The following LRRC8A variants were observed in gnomAD, a reference collection of about 807,000 sequenced individuals.
The protein encoded by LRRC8A is volume-regulated anion channel subunit LRRC8A.
A neutral mutation model predicts 52.5 loss-of-function variants in LRRC8A; 24 were observed. That is an observed-to-expected ratio of 0.46 (90% CI 0.33 to 0.64). The LOEUF (loss-of-function observed/expected upper bound fraction) is 0.64. Among genes scored for constraint, LRRC8A ranks in the 30% least tolerant of loss-of-function variants. The pLI is 0.02. For missense variants in LRRC8A, 677 were observed against 1,094.7 expected, an observed-to-expected ratio of 0.62 and a Z score of 5.38; for synonymous variants, 492 against 494.2, an observed-to-expected ratio of 1.00 and a Z score of 0.06.
At position 128,906,041 on chromosome 9, in the gene LRRC8A, C is replaced by T. The variant is rs903707820; in HGVS notation, c.-8-1116C>T. Among the ~76,000 whole-genome samples, 10 of 152,302 alleles carry T rather than the reference C, an allele frequency of 6.6e-5. No homozygotes were observed. The South Asian group carries it at 1.2e-3, about 19-fold the overall frequency. On this transcript the variant is annotated intron_variant, in intron 2 of 3. Coordinates refer to ENST00000372600, the MANE Select transcript of LRRC8A (RefSeq NM_019594.4). ...TATTCTTAATCCCCTCTCTTGAGGC[C>T]GCTCCCCTAGGAGCCTGTCATTAAG... is the stretch of plus-strand genomic sequence containing the variant.
At chr9:128,886,794 G>A (rs1839416090) in intron 2 of LRRC8A, among the ~76,000 whole-genome samples, 1 of 152,234 alleles carries the variant, frequency 6.6e-6, no homozygotes, top group African/African-American at 2.4e-5. Flanking sequence ...GCTGGTGTGT[G>A]TATAGACGGC....
chr9:128,886,639 G>A (rs1285731010), intron 2 of LRRC8A, among the ~76,000 whole-genome samples: 1 of 152,210 alleles, frequency 6.6e-6, no homozygotes, highest in Non-Finnish European at 1.5e-5. Flanking sequence ...AGACATCTTT[G>A]GGGACTGGGA....
At chr9:128,894,333 A>T (rs2130960644) in intron 2 of LRRC8A, among the ~76,000 whole-genome samples, 1 of 151,962 alleles carries the variant, frequency 6.6e-6, no homozygotes, top group South Asian at 2.1e-4. Context: ...AATACAAAAA[A>T]ATTTGCCGGG....
chr9:128,904,311 G>A (rs1447617124), intron 2 of LRRC8A, among the ~76,000 whole-genome samples: 1 of 152,128 alleles, frequency 6.6e-6, no homozygotes, highest in East Asian at 1.9e-4. Context: ...CTCAGGTCAG[G>A]AGTTCGAGAC....
intron 3 of LRRC8A, among the ~76,000 whole-genome samples, chr9:128,914,210 G>GC (rs932596805): frequency 5.0e-5 from 2 of 39,676 alleles, no homozygotes; most frequent in East Asian, 7.2e-4. Context: ...CCCCGCCCCC[G>GC]CCCCCCAAAA....
rs55822954 is a variant in LRRC8A, at chr9:128,913,086, C to T, written c.2158-3010C>T. Among the ~76,000 whole-genome samples, 1,146 of 152,128 alleles carry T rather than the reference C, an allele frequency of 7.5e-3. 12 individuals are homozygous for T. The highest frequency in any genetic ancestry group is 0.027 in the African/African-American group (1,104 of 41,494). ...GGTGAAGATGGGTCCTTGACTTGCTCACTGTGGAGAGCAGAGAGGGAGAAG... is the reference window on the plus strand; with the variant it reads ...GGTGAAGATGGGTCCTTGACTTGCTTACTGTGGAGAGCAGAGAGGGAGAAG... On this transcript the variant is annotated intron_variant, in intron 3 of 3. Coordinates refer to ENST00000372600, the MANE Select transcript of LRRC8A (RefSeq NM_019594.4).
At chr9:128,904,103 C>T (rs1840141650) in intron 2 of LRRC8A, among the ~76,000 whole-genome samples, 1 of 152,124 alleles carries the variant, frequency 6.6e-6, no homozygotes, top group South Asian at 2.1e-4. Context: ...GGCCCATCAT[C>T]TGGGCACCCC....
chr9:128,915,811 A>C (rs530745376), intron 3 of LRRC8A, among the ~76,000 whole-genome samples: 9 of 152,234 alleles, frequency 5.9e-5, no homozygotes, highest in South Asian at 2.1e-4. Context: ...TCATCCTTAG[A>C]GCCCACATCA....
Position 128,911,123 on chromosome 9 carries a change from G to A in LRRC8A, c.2157+1802G>A, listed in dbSNP as rs1042805378. On this transcript the variant is annotated intron_variant, in intron 3 of 3. Transcript: ENST00000372600. The surrounding 1 kb of genome is among the most constrained non-coding windows in gnomAD (Gnocchi z 4.9). ...GTATCCTCAGGCACGGAGGGAGGTG[G>A]CCCCTGGAATGCCCTGTCTGTCCTC... Among the ~76,000 whole-genome samples the A allele has an allele frequency of 6.6e-6, 1 of 152,050 alleles. No homozygotes were observed. Among genetic ancestry groups the A allele is most frequent in the Non-Finnish European group, 1.5e-5 (1 of 67,994 alleles).
Position 128,892,719 on chromosome 9 carries a change from C to T in LRRC8A, c.-9+6598C>T, listed in dbSNP as rs1839672140. Among the ~76,000 whole-genome samples, 1 of 152,172 alleles carries T rather than the reference C, an allele frequency of 6.6e-6. No homozygotes were observed. Among genetic ancestry groups the T allele is most frequent in the Non-Finnish European group, 1.5e-5 (1 of 68,016 alleles). ...TCTGGGACAGGGGAAGCACATGACC[C>T]ATGGCCCGTGGTGGGAGCAGATCCA... On this transcript the variant is annotated intron_variant, in intron 2 of 3. Transcript: ENST00000372600. This position sits in a 1 kb window ranked among gnomAD's most constrained non-coding sequence, Gnocchi z 5.2.
chr9:128,907,872 G>A lies in LRRC8A; in HGVS notation c.708G>A (p.Glu236=). 1 of 1,614,116 alleles carries A rather than the reference G, an allele frequency of 6.2e-7. No individual in the cohort carries two copies. The highest frequency in any genetic ancestry group is 8.5e-7 in the Non-Finnish European group (1 of 1,180,026). The change falls in exon 3 of 4, where the codon GAG becomes GAA. Residue 236 remains glutamate, a synonymous_variant. Transcript: ENST00000372600. This position sits in a 1 kb window ranked among gnomAD's most constrained non-coding sequence, Gnocchi z 9.3. ...AGACGGGCGTGCTGGACAAGAAGGA[G>A]GGGGAGCAAGCCAAGGCGCTGTTTG... ...RSETGVLDKK[E]GEQAKALFEK...
intron 2 of LRRC8A, among the ~76,000 whole-genome samples, chr9:128,895,992 C>T (rs2130967518): frequency 6.6e-6 from 1 of 152,352 alleles, no homozygotes; most frequent in Admixed American, 6.5e-5. Context: ...TACACACATG[C>T]ACGCACGCAC....
Position 128,908,679 on chromosome 9 carries a change from C to G in LRRC8A, c.1515C>G (p.Ile505Met). 1 of 1,612,968 alleles carries G rather than the reference C, an allele frequency of 6.2e-7. No individual in the cohort carries two copies. The highest frequency in any genetic ancestry group is 1.3e-5 in the African/African-American group (1 of 75,068). Residue 505 changes from isoleucine to methionine, a missense_variant, in exon 3 of 4, where the codon ATC becomes ATG. Around this residue, in one of 4 missense-constraint regions of LRRC8A, gnomAD observed 422 missense variants for 741.5 expected, o/e 0.57. Transcript: ENST00000372600. Reference sequence around the variant, plus strand: ...CGCTGCACATCAAGTTCACCGACATCAAGGAGATCCCGCTGTGGATCTATA... The same window carrying G: ...CGCTGCACATCAAGTTCACCGACATGAAGGAGATCCCGCTGTGGATCTATA... ...LRALHIKFTD[I>M]KEIPLWIYSL... is the part of the protein sequence containing the mutation.
At chr9:128,894,432 A>G (rs1396831446) in intron 2 of LRRC8A, among the ~76,000 whole-genome samples, 1 of 148,790 alleles carries the variant, frequency 6.7e-6, no homozygotes. Flanking sequence ...TGCAGTGAGC[A>G]GAGATCATGC....
In LRRC8A at chr9:128,916,537, T is replaced by C; in HGVS notation, c.*166T>C. On this transcript the variant is annotated 3_prime_UTR_variant, in exon 4 of 4. Coordinates refer to ENST00000372600, the MANE Select transcript of LRRC8A (RefSeq NM_019594.4). This position sits in a 1 kb window ranked among gnomAD's most constrained non-coding sequence, Gnocchi z 6.1. ...CAGGCCAGAGCGAGAGGACAGTATC[T>C]GTGGGGCTGGCCCCTTTTCTCCCTC... The C allele has an allele frequency of 1.2e-6, 1 of 855,704 alleles. No homozygotes were observed. The highest frequency in any genetic ancestry group is 1.7e-6 in the Non-Finnish European group (1 of 572,486). The allele number at this position is 855,704 out of a possible 1,614,324, so 53.0% of individuals were successfully genotyped here.
rs1252142599 is a variant in LRRC8A at position 128,892,657 on chromosome 9, T to C, written c.-9+6536T>C. 6.6e-6 allele frequency among the ~76,000 whole-genome samples: 1 copy of C among 152,136 alleles called. No homozygotes were observed. The highest frequency in any genetic ancestry group is 1.5e-5 in the Non-Finnish European group (1 of 68,010). On this transcript the variant is annotated intron_variant, in intron 2 of 3. Coordinates refer to ENST00000372600, the MANE Select transcript of LRRC8A (RefSeq NM_019594.4). This position sits in a 1 kb window ranked among gnomAD's most constrained non-coding sequence, Gnocchi z 5.2. The stretch of plus-strand genomic sequence containing the variant: ...CCCTGGGGAGGGTGGAGGCTGTGTG[T>C]GCCAGACGAGGCTGAGACCTCTCCT...
chr9:128,903,362 T>C (rs1490677806), intron 2 of LRRC8A, among the ~76,000 whole-genome samples: 1 of 151,602 alleles, frequency 6.6e-6, no homozygotes, highest in African/African-American at 2.4e-5. Flanking sequence ...CAGCATAGCC[T>C]AGAAAGATTG....
At chr9:128,912,896 G>C (rs1840620958) in intron 3 of LRRC8A, 2 of 152,386 alleles carry the variant, frequency 1.3e-5, no homozygotes, top group Non-Finnish European at 2.9e-5. Flanking sequence ...GGTGGGGGTG[G>C]TCTGAGTGAC....
intron 2 of LRRC8A, among the ~76,000 whole-genome samples, chr9:128,900,042 A>G (rs1426586237): frequency 6.6e-6 from 1 of 152,152 alleles, no homozygotes; most frequent in Non-Finnish European, 1.5e-5. Context: ...GTGGGTATCT[A>G]GTCATCTGCA....
Sources: gnomAD v4.1 joint callset for allele counts (sites outside exome capture counted in the v4.1 genomes callset) on GRCh38, gnomAD v4.1.1 for gene constraint, gnomAD v4.1.1 regional missense constraint, Gnocchi (gnomAD v3.1) non-coding constraint, MANE v1.5 for transcripts, NCBI Gene and HGNC (gene_info 2026-07-23, HGNC 2026-07-21) for gene names.